The following TRIAP1 variants were observed in gnomAD, a reference collection of about 807,000 sequenced individuals.
TRIAP1 encodes TP53 regulated inhibitor of apoptosis 1.
Under a neutral mutation model 8.4 loss-of-function variants are expected in TRIAP1, and 8 were observed. That is an observed-to-expected ratio of 0.96 (90% confidence interval 0.56 to 1.73). The LOEUF (loss-of-function observed/expected upper bound fraction) is 1.73, where lower values mean the gene tolerates loss of function less well. TRIAP1 is among the 40% of genes most tolerant of loss of function. The probability of loss-of-function intolerance (pLI) is 0.00; values close to 1 mark genes in which losing one functional copy is unlikely to be tolerated. For synonymous variants in TRIAP1, 35 were observed against 34.0 expected, an observed-to-expected ratio of 1.03 and a Z score of -0.10; for missense variants, 90 against 96.9, an observed-to-expected ratio of 0.93 and a Z score of 0.30.
At chr12:120,446,102 A>G in intron 1 of TRIAP1, 124 bp downstream of exon 1, 1 of 1,383,630 alleles carries the variant, frequency 7.2e-7, no homozygotes, top group Non-Finnish European at 9.7e-7. Context: ...AGCTCCTGCC[A>G]CTGGCCTCAC....
At position 120,446,307 on chromosome 12, in the gene TRIAP1, C is replaced by A. The variant is rs779509460; in HGVS notation, c.66G>T (p.Trp22Cys). Residue 22 changes from tryptophan to cysteine, a missense_variant, in exon 1 of 2, where the codon TGG (tryptophan) becomes TGT (cysteine). By Grantham distance (215) the Trp-to-Cys change is radical (BLOSUM62 -2). Transcript: ENST00000546954. Reference sequence around the variant, plus strand: ...CCCCCTTGAGAAATTTCTCGGCGAACCAGCGATTGAAGCACTGGTCGTACT... The same window carrying A: ...CCCCCTTGAGAAATTTCTCGGCGAAACAGCGATTGAAGCACTGGTCGTACT... ...KREYDQCFNR[W>C]FAEKFLKGDS... 2 of 1,614,208 alleles carry A rather than the reference C, an allele frequency of 1.2e-6. No individual in the cohort carries two copies. The highest frequency in any genetic ancestry group is 3.3e-5 in the Admixed American group (2 of 60,014).
At chr12:120,446,096 C>T in intron 1 of TRIAP1, 130 bp downstream of exon 1, 1 of 1,339,150 alleles carries the variant, frequency 7.5e-7, no homozygotes, top group Admixed American at 2.6e-5. Context: ...GGAGCGAGCT[C>T]CTGCCACTGG....
chr12:120,446,111 A>G (rs762844690), intron 1 of TRIAP1, 115 bp downstream of exon 1: 86 of 1,445,410 alleles, frequency 5.9e-5, no homozygotes, highest in Non-Finnish European at 7.8e-5. Flanking sequence ...CACTGGCCTC[A>G]CTGCGACTTT....
intron 1 of TRIAP1, among the ~76,000 whole-genome samples, chr12:120,445,772 T>G (rs1877834486): frequency 6.6e-6 from 1 of 152,118 alleles, no homozygotes; most frequent in Non-Finnish European, 1.5e-5. Context: ...ACGAAGGGTT[T>G]ATAACAACAA....
rs567566639 is a variant in TRIAP1 at position 120,444,696 on chromosome 12, A to G, written c.*176T>C. On this transcript the variant is annotated 3_prime_UTR_variant, in exon 2 of 2. Transcript: ENST00000546954. Reference sequence around the variant, plus strand: ...TGCAAGATACCACAGCAGGTGAGAAATCATCTCAAAGAGTTCATCTTTTAC... The same window carrying G: ...TGCAAGATACCACAGCAGGTGAGAAGTCATCTCAAAGAGTTCATCTTTTAC... The G allele has an allele frequency of 2.4e-5, 15 of 617,992 alleles. No homozygotes were observed. The African/African-American group carries it at 2.6e-4, about 11-fold the overall frequency. The allele number at this position is 617,992 out of a possible 1,614,324, so 38.3% of individuals were successfully genotyped here. A position where few individuals can be genotyped will look rare whatever the true frequency, so the allele number is the denominator to read the frequency against.
intron 1 of TRIAP1, 144 bp downstream of exon 1, chr12:120,446,082 T>C (rs1222514966): frequency 8.3e-7 from 1 of 1,202,732 alleles, no homozygotes; most frequent in Non-Finnish European, 1.1e-6. Flanking sequence ...GTGGTGATGG[T>C]AGGGGAGCGA....
Position 120,444,087 on chromosome 12 carries a change from A to G in TRIAP1, c.*785T>C, listed in dbSNP as rs1877791771. 6.6e-6 allele frequency: 1 copy of G among 152,244 alleles called. No homozygotes were observed. Among genetic ancestry groups the G allele is most frequent in the Admixed American group, 6.5e-5 (1 of 15,280 alleles). 9.4% of individuals were successfully genotyped at this position (152,244 alleles called of 1,614,324 possible). A position where few individuals can be genotyped will look rare whatever the true frequency, so the allele number is the denominator to read the frequency against. On this transcript the variant is annotated 3_prime_UTR_variant, in exon 2 of 2. Transcript: ENST00000546954. ...TTCCCCCCTACCCCGACATTTAACCAGATGCAGCATTTTGACATTTTTAGG... is the reference window on the plus strand; with the variant it reads ...TTCCCCCCTACCCCGACATTTAACCGGATGCAGCATTTTGACATTTTTAGG...
chr12:120,445,621 A>C (rs746373894), intron 1 of TRIAP1, among the ~76,000 whole-genome samples: 1 of 152,200 alleles, frequency 6.6e-6, no homozygotes, highest in Admixed American at 6.5e-5. Flanking sequence ...AATTGCTGTG[A>C]GGATGTGTTG....
chr12:120,446,173 TG>T (rs1877847320), intron 1 of TRIAP1, 52 bp downstream of exon 1: 1 of 1,603,240 alleles, frequency 6.2e-7, no homozygotes, highest in Admixed American at 1.7e-5. Context: ...ATGAGTGTGG[TG>T]GGACACAGCG....
rs1475641324 is a variant in TRIAP1 at position 120,444,697 on chromosome 12, T to C, written c.*175A>G. ...GCAAGATACCACAGCAGGTGAGAAATCATCTCAAAGAGTTCATCTTTTACA... is the reference window on the plus strand; with the variant it reads ...GCAAGATACCACAGCAGGTGAGAAACCATCTCAAAGAGTTCATCTTTTACA... On this transcript the variant is annotated 3_prime_UTR_variant, in exon 2 of 2. Transcript: ENST00000546954. 3.2e-6 allele frequency: 2 copies of C among 619,056 alleles called. No homozygotes were observed. The highest frequency in any genetic ancestry group is 5.7e-6 in the Non-Finnish European group (2 of 347,918). 38.3% of individuals were successfully genotyped at this position (619,056 alleles called of 1,614,324 possible).
Sources: gnomAD v4.1 joint callset for allele counts (sites outside exome capture counted in the v4.1 genomes callset) on GRCh38, gnomAD v4.1.1 for gene constraint, MANE v1.5 for transcripts, NCBI Gene and HGNC (gene_info 2026-07-23, HGNC 2026-07-21) for gene names.